Variants in DNAJC2 observed in about 807,000 individuals in gnomAD.
DNAJC2 encodes the protein dnaJ homolog subfamily C member 2.
A neutral mutation model predicts 94.0 loss-of-function variants in DNAJC2; 32 were observed. The observed-to-expected ratio is 0.34, with a 90% CI of 0.26 to 0.46. The LOEUF (loss-of-function observed/expected upper bound fraction) is 0.46, where lower values mean the gene tolerates loss of function less well. Among genes scored for constraint, DNAJC2 ranks in the 20% least tolerant of loss-of-function variants. The probability of loss-of-function intolerance (pLI) is 1.00; values close to 1 mark genes in which losing one functional copy is unlikely to be tolerated. For synonymous variants in DNAJC2, 210 were observed against 229.7 expected (o/e 0.91, Z 0.77); for missense variants, 550 against 719.5 (o/e 0.76, Z 2.69).
At chr7:103,325,599 A>G (rs1586089472) in intron 5 of DNAJC2, among the ~76,000 whole-genome samples, 1 of 152,214 alleles carries the variant, frequency 6.6e-6, no homozygotes, top group Non-Finnish European at 1.5e-5. Context: ...CAGAAATTCA[A>G]ACCAATAAAT....
Position 103,317,803 on chromosome 7 carries a change from ACCATGC to A in DNAJC2, c.1243-795_1243-790del, listed in dbSNP as rs550105913. Reference sequence around the variant, plus strand: ...GTAGCTGGGATTACAGATGCCTGCCACCATGCCCAGCTAATTTTTGTATTTTTAGCA... The same window carrying A: ...GTAGCTGGGATTACAGATGCCTGCCACCAGCTAATTTTTGTATTTTTAGCA... On this transcript the variant is annotated intron_variant, in intron 12 of 16. Transcript: ENST00000379263. 3.7e-3 allele frequency among the ~76,000 whole-genome samples: 568 copies of A among 152,228 alleles called. 3 individuals carry two copies. Among genetic ancestry groups the A allele is most frequent in the African/African-American group, 0.013 (559 of 41,530 alleles).
In DNAJC2 at chr7:103,312,931, C is replaced by T. The variant is rs758075204; in HGVS notation, c.1791+16G>A. ...AATTTAAAATACAACAATCTATAAACGCTTAAGTCTGCAACCTTGTATCGT... is the reference window on the plus strand; with the variant it reads ...AATTTAAAATACAACAATCTATAAATGCTTAAGTCTGCAACCTTGTATCGT... On this transcript the variant is annotated intron_variant, in intron 16 of 16. Transcript: ENST00000379263. The T allele has an allele frequency of 8.7e-6, 14 of 1,601,154 alleles. No homozygotes were observed. Among genetic ancestry groups the T allele is most frequent in the Admixed American group, 5.4e-5 (3 of 55,986 alleles).
intron 15 of DNAJC2, chr7:103,314,534 A>C: frequency 2.0e-6 from 2 of 985,366 alleles, no homozygotes; most frequent in Non-Finnish European, 2.4e-6. Context: ...CCCCTAAGAA[A>C]GAGCTGAGAC....
At chr7:103,315,676 C>A in intron 15 of DNAJC2, 88 bp downstream of exon 15, 3 of 785,618 alleles carry the variant, frequency 3.8e-6, no homozygotes, top group Non-Finnish European at 6.2e-6. Context: ...ATTTCCCTAT[C>A]ATTCTGAACA....
intron 2 of DNAJC2, among the ~76,000 whole-genome samples, chr7:103,338,796 G>C (rs1819272412): frequency 6.6e-6 from 1 of 152,030 alleles, no homozygotes; most frequent in African/African-American, 2.4e-5. Flanking sequence ...TGTAATCCCA[G>C]CTACTCGGGA....
In DNAJC2 at chr7:103,337,815, GA is replaced by G. The variant is rs752510242; in HGVS notation, c.256-5del. ...GAACTGCATAATGATCTTGGTTCTG[GA>G]AAAAAAACACAAAAGGGAGTCAAAT... On this transcript the variant is annotated splice_region_variant and splice_polypyrimidine_tract_variant and intron_variant, in intron 2 of 16. Transcript: ENST00000379263. 1.9e-6 allele frequency: 3 copies of G among 1,605,722 alleles called. No homozygotes were observed. The highest frequency in any genetic ancestry group is 1.7e-5 in the Admixed American group (1 of 58,692).
At chr7:103,328,914 G>C in intron 3 of DNAJC2, 1 of 838,020 alleles carries the variant, frequency 1.2e-6, no homozygotes, top group Non-Finnish European at 1.7e-6. Context: ...TCCTTATTTA[G>C]GATTCTTTCT....
intron 10 of DNAJC2, among the ~76,000 whole-genome samples, chr7:103,321,712 G>T (rs1342658049): frequency 6.6e-6 from 1 of 152,044 alleles, no homozygotes; most frequent in East Asian, 1.9e-4. Context: ...AGCCAGGCGT[G>T]GTGGCACACG....
intron 7 of DNAJC2, 86 bp from the exon 8 acceptor site, chr7:103,322,880 T>C: frequency 9.6e-7 from 1 of 1,045,468 alleles, no homozygotes; most frequent in Non-Finnish European, 1.4e-6. Flanking sequence ...TATTTATATG[T>C]ACATAACATC....
intron 10 of DNAJC2, 71 bp downstream of exon 10, chr7:103,321,861 C>T (rs1359432320): frequency 6.6e-7 from 1 of 1,524,938 alleles, no homozygotes; most frequent in Non-Finnish European, 8.9e-7. Context: ...AACAAACAAA[C>T]AAAAAGAAGT....
chr7:103,317,092 G>C (rs1818113193), intron 12 of DNAJC2, 78 bp from the exon 13 acceptor site: 1 of 1,285,872 alleles, frequency 7.8e-7, no homozygotes, highest in Non-Finnish European at 1.1e-6. Flanking sequence ...CTAGGGCTTT[G>C]TGGTCCTCAA....
Position 103,334,197 on chromosome 7 carries a change from T to C in DNAJC2, c.331+3539A>G, listed in dbSNP as rs187433963. On this transcript the variant is annotated intron_variant, in intron 3 of 16. Transcript: ENST00000379263. ...CGATCTCCTGACCTCGTGATCCGCCTGCCTTGGCCTCCCAAAGTGCTGGGA... is the reference window on the plus strand; with the variant it reads ...CGATCTCCTGACCTCGTGATCCGCCCGCCTTGGCCTCCCAAAGTGCTGGGA... Among the ~76,000 whole-genome samples the C allele has an allele frequency of 3.8e-3, 572 of 151,992 alleles. 4 individuals carry two copies. The highest frequency in any genetic ancestry group is 0.014 in the African/African-American group (563 of 41,536).
intron 1 of DNAJC2, among the ~76,000 whole-genome samples, chr7:103,342,837 T>C (rs968100486): frequency 4.6e-5 from 7 of 151,672 alleles, no homozygotes; most frequent in Admixed American, 6.6e-5. Flanking sequence ...CTTGATCTCC[T>C]GACCTCGTGA....
In DNAJC2 at chr7:103,324,466, C is replaced by T; in HGVS notation, c.653+16G>A. On this transcript the variant is annotated intron_variant, in intron 6 of 16. Coordinates refer to ENST00000379263, the MANE Select transcript of DNAJC2 (RefSeq NM_014377.3). Reference sequence around the variant, plus strand: ...TTAAAAAATGACAGCATCATACAAACAGTATATTCACTTACCAGAAAGAAT... The same window carrying T: ...TTAAAAAATGACAGCATCATACAAATAGTATATTCACTTACCAGAAAGAAT... The T allele has an allele frequency of 6.8e-7, 1 of 1,466,072 alleles. No homozygotes were observed. The highest frequency in any genetic ancestry group is 9.2e-7 in the Non-Finnish European group (1 of 1,091,474). 90.8% of individuals were successfully genotyped at this position (1,466,072 alleles called of 1,614,324 possible).
At position 103,331,211 on chromosome 7, in the gene DNAJC2, G is replaced by A. The variant is rs185421183; in HGVS notation, c.332-3457C>T. ...GACCTCAAGTGATCCGCCTGCCTCG[G>A]CCTCCCAAAGCGCTGGGATTACAGG... On this transcript the variant is annotated intron_variant, in intron 3 of 16. Transcript: ENST00000379263. Among the ~76,000 whole-genome samples the A allele has an allele frequency of 3.9e-3, 597 of 152,288 alleles. 3 individuals carry two copies. Among genetic ancestry groups the A allele is most frequent in the Non-Finnish European group, 6.8e-3 (465 of 68,020 alleles).
intron 12 of DNAJC2, 84 bp downstream of exon 12, chr7:103,319,525 G>T: frequency 8.1e-7 from 1 of 1,237,398 alleles, no homozygotes; most frequent in Non-Finnish European, 1.2e-6. Context: ...CCCTGCACTT[G>T]GTGACTTATA....
At chr7:103,322,963 CTT>C (rs1246296042) in intron 7 of DNAJC2, among the ~76,000 whole-genome samples, 169 bp from the exon 8 acceptor site, 4 of 150,614 alleles carry the variant, frequency 2.7e-5, no homozygotes, top group Non-Finnish European at 4.4e-5. Flanking sequence ...GACTTTTGCT[CTT>C]GTCGCCCAGG....
chr7:103,314,401 A>G, intron 15 of DNAJC2: 1 of 985,398 alleles, frequency 1.0e-6, no homozygotes, highest in Non-Finnish European at 1.2e-6. Context: ...TAAAAGAGGC[A>G]AAGGAGTCAT....
At position 103,316,105 on chromosome 7, in the gene DNAJC2, T is replaced by C; in HGVS notation, c.1428-17A>G. On this transcript the variant is annotated splice_polypyrimidine_tract_variant and intron_variant, in intron 13 of 16. Transcript: ENST00000379263. ...ACTTCCCATCTGATAGGATATATTA[T>C]ACAATAATATGAATAGTAGTAAGGA... is the stretch of plus-strand genomic sequence containing the variant. The C allele has an allele frequency of 1.4e-6, 2 of 1,470,020 alleles. No individual in the cohort carries two copies. The highest frequency in any genetic ancestry group is 1.9e-6 in the Non-Finnish European group (2 of 1,080,330). The allele number at this position is 1,470,020 out of a possible 1,614,324, so 91.1% of individuals were successfully genotyped here. A position where few individuals can be genotyped will look rare whatever the true frequency, so the allele number is the denominator to read the frequency against.
Sources: gnomAD v4.1 joint callset for allele counts (sites outside exome capture counted in the v4.1 genomes callset) on GRCh38, gnomAD v4.1.1 for gene constraint, MANE v1.5 for transcripts, NCBI Gene and HGNC (gene_info 2026-07-23, HGNC 2026-07-21) for gene names.